The following SLC4A4 variants were observed in gnomAD, a reference collection of about 807,000 sequenced individuals.
The protein encoded by SLC4A4 is electrogenic sodium bicarbonate cotransporter 1.
In SLC4A4, 27 loss-of-function variants were observed where a neutral mutation model predicts 111.5. The observed-to-expected ratio is 0.24, with a 90% CI of 0.18 to 0.33. SLC4A4 has a LOEUF of 0.33. Ranked by LOEUF, SLC4A4 falls within the 10% of genes least tolerant of loss-of-function variation. SLC4A4 has a pLI of 1.00. For synonymous variants in SLC4A4, 443 were observed against 463.4 expected (o/e 0.96, Z 0.57); for missense variants, 909 against 1,315.5 (o/e 0.69, Z 4.78).
At chr4:71,279,170 C>G (rs1268988420) in intron 3 of SLC4A4, among the ~76,000 whole-genome samples, 1 of 152,150 alleles carries the variant, frequency 6.6e-6, no homozygotes, top group African/African-American at 2.4e-5. Flanking sequence ...TACGATAGAT[C>G]TCCAGAACTT....
In SLC4A4 at chr4:71,467,502, T is replaced by C. The variant is rs929503702; in HGVS notation, c.1631+925T>C. ...GAGGTAGGGACCACATCCTGATTTATAGATGAAATAACAAGCACAGGAACA... is the reference window on the plus strand; with the variant it reads ...GAGGTAGGGACCACATCCTGATTTACAGATGAAATAACAAGCACAGGAACA... On this transcript the variant is annotated intron_variant, in intron 13 of 25. Transcript: ENST00000264485. Among the ~76,000 whole-genome samples, 17 of 152,118 alleles carry C rather than the reference T, an allele frequency of 1.1e-4. 1 individual carries two copies. Among genetic ancestry groups the C allele is most frequent in the Admixed American group, 1.0e-3 (16 of 15,254 alleles).
intron 1 of SLC4A4, among the ~76,000 whole-genome samples, chr4:71,191,978 A>G (rs1457991850): frequency 6.6e-6 from 1 of 152,208 alleles, no homozygotes; most frequent in Non-Finnish European, 1.5e-5. Context: ...AAAAATCAAT[A>G]TGAATAAAAA....
intron 8 of SLC4A4, among the ~76,000 whole-genome samples, chr4:71,442,978 C>G (rs1303495899): frequency 2.0e-5 from 3 of 150,990 alleles, no homozygotes; most frequent in African/African-American, 7.3e-5. Flanking sequence ...GAAACAAACC[C>G]TATTCTTTGA....
intron 2 of SLC4A4, among the ~76,000 whole-genome samples, chr4:71,139,273 G>T (rs1297697635): frequency 2.6e-5 from 4 of 151,546 alleles, no homozygotes; most frequent in Admixed American, 2.6e-4. Context: ...CTTTTGGTGT[G>T]AATTGGCCGC....
At chr4:71,089,054 A>G (rs1215655017) in intron 1 of SLC4A4, among the ~76,000 whole-genome samples, 1 of 152,008 alleles carries the variant, frequency 6.6e-6, no homozygotes, top group African/African-American at 2.4e-5. Context: ...TCAGAGGTAG[A>G]TTTGGTCTTT....
At chr4:71,174,660 C>T (rs1166147465) in intron 2 of SLC4A4, among the ~76,000 whole-genome samples, 1 of 152,206 alleles carries the variant, frequency 6.6e-6, no homozygotes, top group Non-Finnish European at 1.5e-5. Context: ...ATATTTTTTA[C>T]TGCCACTCCA....
At chr4:71,487,060 A>T in intron 15 of SLC4A4, 42 bp downstream of exon 15, 1 of 1,143,364 alleles carries the variant, frequency 8.7e-7, no homozygotes, top group East Asian at 2.4e-5. Context: ...TACTGACTGC[A>T]TATTGTATAC....
chr4:71,540,613 C>T (rs992308183), intron 18 of SLC4A4, among the ~76,000 whole-genome samples: 8 of 152,112 alleles, frequency 5.3e-5, no homozygotes, highest in Non-Finnish European at 7.4e-5. Flanking sequence ...TCTACATTGC[C>T]GTCTGTGCCC....
At chr4:71,110,610 C>T (rs1163813235) in intron 2 of SLC4A4, among the ~76,000 whole-genome samples, 1 of 152,116 alleles carries the variant, frequency 6.6e-6, no homozygotes, top group African/African-American at 2.4e-5. Context: ...TTGTTCTTGC[C>T]TAAGTTCGTA....
At chr4:71,354,943 A>AT (rs1190068586) in intron 5 of SLC4A4, among the ~76,000 whole-genome samples, 1 of 152,054 alleles carries the variant, frequency 6.6e-6, no homozygotes, top group African/African-American at 2.4e-5. Flanking sequence ...TGTCTGTGGG[A>AT]TTTTGAACAC....
chr4:71,136,589 A>G (rs904830273), intron 2 of SLC4A4, among the ~76,000 whole-genome samples: 4 of 152,188 alleles, frequency 2.6e-5, no homozygotes, highest in Admixed American at 1.3e-4. Flanking sequence ...GGATCAGTAT[A>G]CTGTAAGAGT....
intron 23 of SLC4A4, among the ~76,000 whole-genome samples, chr4:71,560,757 T>C (rs1257765306): frequency 6.6e-6 from 1 of 151,822 alleles, no homozygotes; most frequent in Non-Finnish European, 1.5e-5. Flanking sequence ...ATATTTATAC[T>C]GATATGATTC....
intron 3 of SLC4A4, among the ~76,000 whole-genome samples, chr4:71,331,005 G>C (rs1260972128): frequency 6.6e-6 from 1 of 152,162 alleles, no homozygotes; most frequent in Non-Finnish European, 1.5e-5. Flanking sequence ...GGCCCTCAGA[G>C]AAATGCAAAT....
chr4:71,136,438 C>T (rs1743845792), intron 2 of SLC4A4, among the ~76,000 whole-genome samples: 1 of 152,192 alleles, frequency 6.6e-6, no homozygotes, highest in Admixed American at 6.6e-5. Context: ...CCTTTAGTGA[C>T]CACTGAAGAG....
At chr4:71,161,725 G>A (rs1471584778) in intron 2 of SLC4A4, among the ~76,000 whole-genome samples, 1 of 152,140 alleles carries the variant, frequency 6.6e-6, no homozygotes, top group Non-Finnish European at 1.5e-5. Flanking sequence ...GTAGGAGCCT[G>A]GCAGGTGATA....
At chr4:71,418,582 T>C (rs980515836) in intron 7 of SLC4A4, among the ~76,000 whole-genome samples, 1 of 152,212 alleles carries the variant, frequency 6.6e-6, no homozygotes, top group African/African-American at 2.4e-5. Context: ...CAACGGTATG[T>C]AAATTTAGTC....
At chr4:71,069,887 GT>G (rs909436666) in intron 1 of SLC4A4, among the ~76,000 whole-genome samples, 1 of 151,406 alleles carries the variant, frequency 6.6e-6, no homozygotes, top group African/African-American at 2.4e-5. Flanking sequence ...AATAAAATTA[GT>G]TTTTTTTTAG....
chr4:71,135,803 G>A (rs1247741474), intron 2 of SLC4A4, among the ~76,000 whole-genome samples: 1 of 151,378 alleles, frequency 6.6e-6, no homozygotes, highest in African/African-American at 2.4e-5. Flanking sequence ...TAGATTCTAT[G>A]TTAAGTGAGA....
intron 15 of SLC4A4, among the ~76,000 whole-genome samples, chr4:71,488,594 C>T (rs1276230014): frequency 6.6e-6 from 1 of 151,638 alleles, no homozygotes; most frequent in Non-Finnish European, 1.5e-5. Flanking sequence ...CTATTTTATA[C>T]ATGAGAGAAA....
Sources: allele counts gnomAD v4.1 joint callset (sites outside exome capture counted in the v4.1 genomes callset), GRCh38; gene constraint gnomAD v4.1.1; transcripts MANE v1.5; gene names NCBI Gene and HGNC (gene_info 2026-07-23, HGNC 2026-07-21).